Variants in AGMO observed in about 807,000 individuals in gnomAD.
AGMO encodes alkylglycerol monooxygenase, also known as glyceryl-ether monooxygenase.
A neutral mutation model predicts 60.2 loss-of-function variants in AGMO; 75 were observed. The ratio of observed to expected loss-of-function variants is 1.25; its 90% CI spans 1.03 to 1.51. The LOEUF (loss-of-function observed/expected upper bound fraction) is 1.51. Ranked by LOEUF, AGMO falls within the 40% of genes most tolerant of loss-of-function variation. The pLI is 0.00. For synonymous variants in AGMO, 261 were observed against 177.1 expected, an observed-to-expected ratio of 1.47 and a Z score of -3.76; for missense variants, 763 against 525.5, an observed-to-expected ratio of 1.45 and a Z score of -4.42.
At chr7:15,258,990 C>T (rs79520903) in intron 12 of AGMO, among the ~76,000 whole-genome samples, 425 of 152,156 alleles carry the variant, frequency 2.8e-3, no homozygotes, top group Admixed American at 7.5e-3. Context: ...GGTAATATGA[C>T]AAAAGAAGGT....
At chr7:15,297,414 A>G (rs1387978337) in intron 12 of AGMO, among the ~76,000 whole-genome samples, 4 of 152,170 alleles carry the variant, frequency 2.6e-5, no homozygotes, top group Non-Finnish European at 4.4e-5. Flanking sequence ...GTCAAATATC[A>G]TTACAGAAAT....
chr7:15,434,976 G>T (rs141193497), intron 3 of AGMO, among the ~76,000 whole-genome samples: 266 of 150,876 alleles, frequency 1.8e-3, no homozygotes, highest in Non-Finnish European at 3.1e-3. Context: ...AGCCTTTTGA[G>T]TCTGTTGTCT....
the AGMO span, among the ~76,000 whole-genome samples, chr7:15,139,087 C>G: frequency 6.6e-6 from 1 of 152,108 alleles, no homozygotes; most frequent in Non-Finnish European, 1.5e-5. Flanking sequence ...CAATTAACCA[C>G]TTTCTGGAAT....
At chr7:15,524,687 A>G (rs1327319465) in intron 3 of AGMO, among the ~76,000 whole-genome samples, 3 of 149,116 alleles carry the variant, frequency 2.0e-5, no homozygotes, top group Admixed American at 6.8e-5. Context: ...ACATGGAGAA[A>G]CCCCATCTCT....
chr7:15,432,347 C>T (rs7810440), intron 3 of AGMO, among the ~76,000 whole-genome samples: 1 of 110,884 alleles, frequency 9.0e-6, no homozygotes, highest in Non-Finnish European at 1.9e-5. Context: ...TATATATATA[C>T]ATACATATAT....
the AGMO span, among the ~76,000 whole-genome samples, chr7:15,133,609 T>C: frequency 1.3e-5 from 2 of 152,074 alleles, no homozygotes; most frequent in Non-Finnish European, 2.9e-5. Flanking sequence ...TCAAAGGAGC[T>C]AGGATTTTTT....
the AGMO span, among the ~76,000 whole-genome samples, chr7:15,163,113 G>T: frequency 6.6e-6 from 1 of 151,972 alleles, no homozygotes; most frequent in African/African-American, 2.4e-5. Flanking sequence ...TCTTAATTTG[G>T]CTCTCAGCTT....
Position 15,394,090 on chromosome 7 carries a change from GAGA to G in AGMO, c.676+20_676+22del. 1.9e-6 allele frequency: 3 copies of G among 1,565,856 alleles called. No homozygotes were observed. Among genetic ancestry groups the G allele is most frequent in the Non-Finnish European group, 2.6e-6 (3 of 1,139,908 alleles). On this transcript the variant is annotated intron_variant, in intron 6 of 12. Coordinates refer to ENST00000342526, the MANE Select transcript of AGMO (RefSeq NM_001004320.2). ...AATTTTTAGAGAAATGAAGAAAAGA[GAGA>G]AGAAACAAAACTTCCTTACCATGAT...
At chr7:15,311,268 A>G (rs1019129317) in intron 12 of AGMO, among the ~76,000 whole-genome samples, 2 of 152,202 alleles carry the variant, frequency 1.3e-5, no homozygotes, top group Non-Finnish European at 2.9e-5. Flanking sequence ...ATATAGCGCA[A>G]AAGCTACTTT....
At chr7:15,388,898 T>C (rs1352801562) in intron 8 of AGMO, among the ~76,000 whole-genome samples, 1 of 152,142 alleles carries the variant, frequency 6.6e-6, no homozygotes, top group South Asian at 2.1e-4. Flanking sequence ...CTTGTGGCAA[T>C]TACTATGCTG....
chr7:15,228,781 G>A (rs187295568), intron 12 of AGMO, among the ~76,000 whole-genome samples: 1 of 152,212 alleles, frequency 6.6e-6, no homozygotes, highest in Admixed American at 6.5e-5. Context: ...GATTCAGCCA[G>A]GTGCATTATC....
Position 15,230,678 on chromosome 7 carries a change from A to G in AGMO, c.1264-29319T>C, listed in dbSNP as rs1782233702. Among the ~76,000 whole-genome samples the G allele has an allele frequency of 2.0e-5, 3 of 151,956 alleles. No individual in the cohort carries two copies. In the South Asian group the frequency reaches 6.2e-4, roughly 32 times the overall value. On this transcript the variant is annotated intron_variant, in intron 12 of 12. Transcript: ENST00000342526. ...GTCTTTTTCAGGTGGCTCTGCAGAA[A>G]CCTCCTTATAAGGGAAAGAGAGAGA...
At chr7:15,376,161 T>C (rs77605304) in intron 10 of AGMO, among the ~76,000 whole-genome samples, 1 of 152,102 alleles carries the variant, frequency 6.6e-6, no homozygotes, top group Non-Finnish European at 1.5e-5. Flanking sequence ...TGTATTATAA[T>C]TGATGCTCAT....
chr7:15,506,813 G>C (rs185291232), intron 3 of AGMO, among the ~76,000 whole-genome samples: 25 of 151,414 alleles, frequency 1.7e-4, no homozygotes, highest in Non-Finnish European at 1.8e-4. Context: ...CAGACACACA[G>C]AGAGAGAGAG....
At chr7:15,470,307 G>A (rs543035895) in intron 3 of AGMO, among the ~76,000 whole-genome samples, 1 of 152,144 alleles carries the variant, frequency 6.6e-6, no homozygotes, top group East Asian at 1.9e-4. Flanking sequence ...ACAGTTTTTA[G>A]GAGTAAATAA....
chr7:15,279,412 A>AGAGG (rs1783898314), intron 12 of AGMO, among the ~76,000 whole-genome samples: 1 of 152,188 alleles, frequency 6.6e-6, no homozygotes, highest in African/African-American at 2.4e-5. Context: ...TCTCCATGAC[A>AGAGG]GAGGTGTCCA....
intron 12 of AGMO, among the ~76,000 whole-genome samples, chr7:15,242,183 C>T (rs968553498): frequency 1.8e-4 from 27 of 152,166 alleles, no homozygotes; most frequent in African/African-American, 2.2e-4. Flanking sequence ...ATAATCAGGG[C>T]ATGATATATT....
chr7:15,467,791 T>C (rs755740266), intron 3 of AGMO, among the ~76,000 whole-genome samples: 1 of 152,310 alleles, frequency 6.6e-6, no homozygotes, highest in African/African-American at 2.4e-5. Flanking sequence ...AATTCTATAA[T>C]TTTAAGGAAA....
At chr7:15,491,357 A>T (rs1006475414) in intron 3 of AGMO, among the ~76,000 whole-genome samples, 1 of 152,182 alleles carries the variant, frequency 6.6e-6, no homozygotes, top group African/African-American at 2.4e-5. Context: ...GCCTACGGTG[A>T]TCTTAGCATC....
Sources: allele counts gnomAD v4.1 joint callset (sites outside exome capture counted in the v4.1 genomes callset), GRCh38; gene constraint gnomAD v4.1.1; transcripts MANE v1.5; gene names NCBI Gene and HGNC (gene_info 2026-07-23, HGNC 2026-07-21).